LRSAM1: variants seen among roughly 807,000 people sequenced by gnomAD.
The protein encoded by LRSAM1 is leucine rich repeat and sterile alpha motif containing 1.
Under a neutral mutation model 118.1 loss-of-function variants are expected in LRSAM1, and 96 were observed. That is an observed-to-expected ratio of 0.81 (90% confidence interval 0.69 to 0.96). LRSAM1 has a LOEUF of 0.96. Among genes scored for constraint, LRSAM1 ranks in the 40% least tolerant of loss-of-function variants. The pLI is 0.00. For missense variants in LRSAM1, 804 were observed against 915.5 expected (o/e 0.88, Z 1.57); for synonymous variants, 322 against 364.2 (o/e 0.88, Z 1.32).
At chr9:127,488,481 C>G (rs576999801) in intron 18 of LRSAM1, among the ~76,000 whole-genome samples, 1 of 152,232 alleles carries the variant, frequency 6.6e-6, no homozygotes, top group East Asian at 1.9e-4. Flanking sequence ...AGGCTGGTCT[C>G]GAACTCCTGA....
chr9:127,479,298 G>C, intron 12 of LRSAM1, 85 bp from the exon 13 acceptor site: 1 of 1,596,886 alleles, frequency 6.3e-7, no homozygotes. Flanking sequence ...TGCCCTGTCA[G>C]TGTTGAGGGG....
chr9:127,502,547 T>C (rs1313783939), intron 25 of LRSAM1, among the ~76,000 whole-genome samples: 4 of 151,390 alleles, frequency 2.6e-5, no homozygotes, highest in Admixed American at 6.6e-5. Context: ...TTTAGCCAGG[T>C]ATGGTGGTGC....
rs117926885 is a variant in LRSAM1 at position 127,474,704 on chromosome 9, C to T, written c.750+773C>T. ...CAAATGCTACTCACTGTCTGGGACACACACCCACCATGCTCTGGGTCTAGT... is the reference window on the plus strand; with the variant it reads ...CAAATGCTACTCACTGTCTGGGACATACACCCACCATGCTCTGGGTCTAGT... On this transcript the variant is annotated intron_variant, in intron 11 of 25. Transcript: ENST00000300417. Among the ~76,000 whole-genome samples, 140 of 152,322 alleles carry T rather than the reference C, an allele frequency of 9.2e-4. 2 individuals are homozygous for T. In the East Asian group the frequency reaches 0.025, roughly 28 times the overall value.
intron 10 of LRSAM1, among the ~76,000 whole-genome samples, chr9:127,472,531 C>A (rs111895579): frequency 2.0e-5 from 3 of 152,066 alleles, no homozygotes; most frequent in African/African-American, 7.2e-5. Flanking sequence ...ATCCCAGCTA[C>A]TCAGGAGGCT....
chr9:127,498,103 G>T (rs1462484575), intron 24 of LRSAM1, among the ~76,000 whole-genome samples: 1 of 152,200 alleles, frequency 6.6e-6, no homozygotes, highest in Non-Finnish European at 1.5e-5. Flanking sequence ...TCTGGACAGG[G>T]CATTTTTAGC....
rs772793971 is a variant in LRSAM1, at chr9:127,492,886, C to T, written c.1588C>T (p.Arg530Trp). 83 of 1,613,836 alleles carry T rather than the reference C, an allele frequency of 5.1e-5. 1 individual carries two copies. Among genetic ancestry groups the T allele is most frequent in the South Asian group, 4.6e-4 (42 of 91,064 alleles). ...KEKQQREEELREILTELEAKS... is the reference protein window; with the variant it reads ...KEKQQREEELWEILTELEAKS... ...GAAGCAGCAGCGAGAGGAAGAGCTCCGGGAAATCCTGGTATGTGTTTGGCT... is the reference window on the plus strand; with the variant it reads ...GAAGCAGCAGCGAGAGGAAGAGCTCTGGGAAATCCTGGTATGTGTTTGGCT... The change falls in exon 21 of 26, where the codon CGG becomes TGG. Residue 530 changes from arginine to tryptophan, a missense_variant. Transcript: ENST00000300417.
chr9:127,490,229 T>C (rs1042134721), intron 19 of LRSAM1, among the ~76,000 whole-genome samples: 1 of 145,808 alleles, frequency 6.9e-6, no homozygotes, highest in Non-Finnish European at 1.5e-5. Flanking sequence ...TTTTGCATGG[T>C]TTTTTTCTTT....
chr9:127,461,652 G>C (rs1312072278), intron 8 of LRSAM1, among the ~76,000 whole-genome samples: 1 of 152,264 alleles, frequency 6.6e-6, no homozygotes, highest in Non-Finnish European at 1.5e-5. Flanking sequence ...TGGGCAGGCT[G>C]AGGGCAGTGG....
At chr9:127,499,875 A>C (rs942526911) in intron 24 of LRSAM1, among the ~76,000 whole-genome samples, 2 of 151,298 alleles carry the variant, frequency 1.3e-5, no homozygotes, top group African/African-American at 4.9e-5. Flanking sequence ...CAGTGAGCCG[A>C]GATCGCACCA....
chr9:127,466,893 C>T (rs1186014854), intron 9 of LRSAM1, among the ~76,000 whole-genome samples: 1 of 152,006 alleles, frequency 6.6e-6, no homozygotes, highest in Non-Finnish European at 1.5e-5. Context: ...GTCCCAGCTA[C>T]TCAGGAGGCT....
chr9:127,475,606 C>T lies in LRSAM1; in HGVS notation c.750+1675C>T, dbSNP rs149397375. The stretch of plus-strand genomic sequence containing the variant: ...ACCATTTCCTTCCTCAAGATTGGCA[C>T]ACATTTTGACATGACAATTTCTGTT... On this transcript the variant is annotated intron_variant, in intron 11 of 25. Coordinates refer to ENST00000300417, the MANE Select transcript of LRSAM1 (RefSeq NM_001005373.4). Among the ~76,000 whole-genome samples the T allele has an allele frequency of 1.2e-3, 190 of 152,308 alleles. 1 individual carries two copies. The highest frequency in any genetic ancestry group is 6.8e-3 in the Middle Eastern group (2 of 294).
chr9:127,471,955 G>A (rs566033919), intron 10 of LRSAM1, among the ~76,000 whole-genome samples: 1 of 151,424 alleles, frequency 6.6e-6, no homozygotes, highest in South Asian at 2.1e-4. Context: ...GAGCCACCAC[G>A]CCCTGCAAGA....
Position 127,479,175 on chromosome 9 carries a change from G to A in LRSAM1, c.781-208G>A, listed in dbSNP as rs774147644. On this transcript the variant is annotated intron_variant, in intron 12 of 25. Coordinates refer to ENST00000300417, the MANE Select transcript of LRSAM1 (RefSeq NM_001005373.4). ...GGTGCAGAGACTGAGGCTCAGAGGG[G>A]TTGAGCCCAGCACCGGGCTCTAGAC... Among the ~76,000 whole-genome samples, 13 of 152,302 alleles carry A rather than the reference G, an allele frequency of 8.5e-5. 1 individual carries two copies. Among genetic ancestry groups the A allele is most frequent in the South Asian group, 4.1e-4 (2 of 4,824 alleles).
At chr9:127,460,276 G>A (rs986915435) in intron 7 of LRSAM1, among the ~76,000 whole-genome samples, 1 of 152,210 alleles carries the variant, frequency 6.6e-6, no homozygotes, top group Non-Finnish European at 1.5e-5. Context: ...GGGATTACAG[G>A]TGTTAGCCAC....
intron 15 of LRSAM1, among the ~76,000 whole-genome samples, chr9:127,482,218 C>T (rs1268545732): frequency 6.8e-6 from 1 of 148,118 alleles, no homozygotes; most frequent in Non-Finnish European, 1.5e-5. Flanking sequence ...TCTCGGCTCA[C>T]TGCAACCTCC....
chr9:127,498,830 G>A (rs1208413617), intron 24 of LRSAM1, among the ~76,000 whole-genome samples: 1 of 152,090 alleles, frequency 6.6e-6, no homozygotes, highest in African/African-American at 2.4e-5. Flanking sequence ...AGGCTGAGGT[G>A]GGCGGATCAC....
intron 15 of LRSAM1, among the ~76,000 whole-genome samples, 171 bp downstream of exon 15, chr9:127,481,398 G>A (rs1835533970): frequency 6.6e-6 from 1 of 151,894 alleles, no homozygotes; most frequent in Non-Finnish European, 1.5e-5. Flanking sequence ...GACTATAGGC[G>A]CATACCACCA....
intron 11 of LRSAM1, 31 bp downstream of exon 11, chr9:127,473,962 A>ATGTG (rs761971578): frequency 1.9e-6 from 3 of 1,612,134 alleles, no homozygotes; most frequent in Admixed American, 3.3e-5. Flanking sequence ...GCACGCATAC[A>ATGTG]TGTGTGTGTG....
At chr9:127,498,995 TAC>T (rs1198921928) in intron 24 of LRSAM1, among the ~76,000 whole-genome samples, 2 of 150,296 alleles carry the variant, frequency 1.3e-5, no homozygotes, top group Admixed American at 6.6e-5. Flanking sequence ...AGGCGGAAGT[TAC>T]AGTGAGCCAA....
Sources: allele counts gnomAD v4.1 joint callset (sites outside exome capture counted in the v4.1 genomes callset), GRCh38; gene constraint gnomAD v4.1.1; transcripts MANE v1.5; gene names NCBI Gene and HGNC (gene_info 2026-07-23, HGNC 2026-07-21).